The following ANKRD27 variants were observed in gnomAD, a reference collection of about 807,000 sequenced individuals.
ANKRD27 encodes the protein ankyrin repeat domain 27.
A neutral mutation model predicts 129.7 loss-of-function variants in ANKRD27; 112 were observed. The observed-to-expected ratio is 0.86, with a 90% CI of 0.74 to 1.01. The LOEUF is 1.01. Among genes scored for constraint, ANKRD27 ranks in the 50% least tolerant of loss-of-function variants. The pLI, the probability that ANKRD27 is intolerant of heterozygous loss-of-function variation, is 0.00. For synonymous variants in ANKRD27, 516 were observed against 511.2 expected (o/e 1.01, Z -0.13); for missense variants, 1,258 against 1,300.5 (o/e 0.97, Z 0.50).
chr19:32,607,553 C>T (rs1971762559), intron 23 of ANKRD27, 82 bp downstream of exon 23: 5 of 1,508,214 alleles, frequency 3.3e-6, no homozygotes, highest in Non-Finnish European at 4.5e-6. Context: ...AGCCACCAAA[C>T]CCCTGCAGCG....
intron 12 of ANKRD27, among the ~76,000 whole-genome samples, chr19:32,636,898 C>A (rs925413335): frequency 1.3e-5 from 2 of 152,052 alleles, no homozygotes; most frequent in African/African-American, 4.8e-5. Context: ...CAGGCACCTG[C>A]CACCACACCC....
chr19:32,605,168 T>G (rs1411975012), intron 24 of ANKRD27, among the ~76,000 whole-genome samples: 1 of 151,774 alleles, frequency 6.6e-6, no homozygotes, highest in East Asian at 1.9e-4. Flanking sequence ...CTCAGGAGTT[T>G]GAGACCAGCC....
intron 22 of ANKRD27, among the ~76,000 whole-genome samples, chr19:32,608,733 C>T (rs1035514933): frequency 6.6e-6 from 1 of 152,106 alleles, no homozygotes; most frequent in Non-Finnish European, 1.5e-5. Context: ...GGGCAGATCA[C>T]CTGAGGTCAG....
rs758973313 is a variant in ANKRD27 at position 32,615,724 on chromosome 19, G to A, written c.2109C>T (p.Val703=). ...GACAGAATTCGGGGTCCGCTGCACT[G>A]ACAGTGTCCTCCGCATCCTCCAGGT... The part of the protein sequence containing the change: ...EEDLEDAEDT[V]SAADPEFCHP... Residue 703 remains valine, a synonymous_variant, in exon 22 of 29, where the codon GTC becomes GTT. Coordinates refer to ENST00000306065, the MANE Select transcript of ANKRD27 (RefSeq NM_032139.3). The A allele has an allele frequency of 3.1e-6, 5 of 1,614,072 alleles. No homozygotes were observed. The African/African-American group carries it at 6.7e-5, about 22-fold the overall frequency.
intron 20 of ANKRD27, among the ~76,000 whole-genome samples, chr19:32,618,459 A>G (rs942225446): frequency 6.9e-6 from 1 of 144,818 alleles, no homozygotes; most frequent in African/African-American, 2.5e-5. Context: ...AAGAAAAAAA[A>G]AAAAAAAAAA....
chr19:32,674,564 T>G (rs957066386), intron 1 of ANKRD27, among the ~76,000 whole-genome samples: 1 of 78,116 alleles, frequency 1.3e-5, no homozygotes, highest in South Asian at 3.2e-4. Context: ...CCTGTGGGAA[T>G]GCAGAGACCC....
chr19:32,600,563 GACATTTT>G (rs1285431816), intron 26 of ANKRD27, among the ~76,000 whole-genome samples: 4 of 152,046 alleles, frequency 2.6e-5, no homozygotes, highest in Non-Finnish European at 5.9e-5. Flanking sequence ...CAAAATCCGA[GACATTTT>G]GAACTCTTTG....
intron 28 of ANKRD27, among the ~76,000 whole-genome samples, 162 bp downstream of exon 28, chr19:32,599,542 T>C (rs763162048): frequency 3.9e-5 from 6 of 152,272 alleles, no homozygotes; most frequent in South Asian, 2.1e-4. Context: ...AAGTCTGTAC[T>C]CTACACTGTC....
intron 12 of ANKRD27, chr19:32,638,229 C>T (rs1300499610): frequency 6.6e-6 from 1 of 152,314 alleles, no homozygotes; most frequent in African/African-American, 2.4e-5. Flanking sequence ...TACTCCCTCC[C>T]TTCTGAGCCA....
intron 3 of ANKRD27, among the ~76,000 whole-genome samples, chr19:32,647,355 T>C (rs1353213637): frequency 6.6e-6 from 1 of 152,252 alleles, no homozygotes; most frequent in African/African-American, 2.4e-5. Flanking sequence ...GTGTATCCTG[T>C]TGGAAGGCAC....
rs540730994 is a variant in ANKRD27, at chr19:32,649,857, T to G, written c.103-65A>C. 4.5e-6 allele frequency: 5 copies of G among 1,117,344 alleles called. No homozygotes were observed. In the East Asian group the frequency reaches 1.2e-4, roughly 26 times the overall value. 69.2% of individuals were successfully genotyped at this position (1,117,344 alleles called of 1,614,324 possible). On this transcript the variant is annotated intron_variant, in intron 2 of 28. Transcript: ENST00000306065. ...CATTTACCACCTCAGCAGAACAAGG[T>G]GTCCCCAAAGGCGCTCCAGCTGGAC... is the stretch of plus-strand genomic sequence containing the variant.
chr19:32,644,560 C>T, intron 4 of ANKRD27, 81 bp from the exon 5 acceptor site: 1 of 1,497,846 alleles, frequency 6.7e-7, no homozygotes, highest in Non-Finnish European at 9.0e-7. Context: ...GGCCTAGGCC[C>T]TCTGGGGAGG....
chr19:32,657,840 T>C (rs1967571638), intron 2 of ANKRD27, among the ~76,000 whole-genome samples: 1 of 151,750 alleles, frequency 6.6e-6, no homozygotes, highest in Non-Finnish European at 1.5e-5. Context: ...CTGGACGTGG[T>C]TGCACACACC....
chr19:32,620,115 G>T (rs1389058614), intron 18 of ANKRD27, among the ~76,000 whole-genome samples: 1 of 152,112 alleles, frequency 6.6e-6, no homozygotes, highest in Non-Finnish European at 1.5e-5. Context: ...AGCTCTGCCT[G>T]CCAGAAAGCT....
chr19:32,633,311 T>C (rs1383906361), intron 12 of ANKRD27, among the ~76,000 whole-genome samples: 1 of 149,788 alleles, frequency 6.7e-6, no homozygotes. Context: ...TGGTACAGGT[T>C]CTTTCTTGTT....
At chr19:32,612,802 A>G (rs970650725) in intron 22 of ANKRD27, among the ~76,000 whole-genome samples, 4 of 152,238 alleles carry the variant, frequency 2.6e-5, no homozygotes, top group Non-Finnish European at 4.4e-5. Flanking sequence ...AAAAATTAAC[A>G]CAAATTGGAT....
Position 32,658,959 on chromosome 19 carries a change from C to A in ANKRD27, c.57G>T (p.Lys19Asn). 6.2e-7 allele frequency: 1 copy of A among 1,614,100 alleles called. No individual in the cohort carries two copies. Among genetic ancestry groups the A allele is most frequent in the South Asian group, 1.1e-5 (1 of 91,078 alleles). Residue 19 changes from lysine to asparagine, a missense_variant, in exon 2 of 29, where the codon AAG becomes AAT. By Grantham distance (94) the Lys-to-Asn change is moderately conservative. Coordinates refer to ENST00000306065, the MANE Select transcript of ANKRD27 (RefSeq NM_032139.3). Reference sequence around the variant, plus strand: ...CTTTGCTGCACAAGTCAGGGCGGCACTTTTGCAGAGCCAGATAGAAAGGAT... The same window carrying A: ...CTTTGCTGCACAAGTCAGGGCGGCAATTTTGCAGAGCCAGATAGAAAGGAT... The part of the protein sequence containing the change: ...LKNPFYLALQ[K>N]CRPDLCSKVA...
chr19:32,662,311 C>CAAA (rs34066529), intron 1 of ANKRD27, among the ~76,000 whole-genome samples: 97 of 37,860 alleles, frequency 2.6e-3, no homozygotes, highest in African/African-American at 7.3e-3. Flanking sequence ...ACTCAGTCTC[C>CAAA]AAAAAAAAAA....
At chr19:32,602,200 A>G in intron 25 of ANKRD27, 74 bp from the exon 26 acceptor site, 1 of 974,134 alleles carries the variant, frequency 1.0e-6, no homozygotes, top group Non-Finnish European at 1.6e-6. Flanking sequence ...TTTTTGATCT[A>G]AATGTCAGTA....
Sources: allele counts gnomAD v4.1 joint callset (sites outside exome capture counted in the v4.1 genomes callset), GRCh38; gene constraint gnomAD v4.1.1; transcripts MANE v1.5; gene names NCBI Gene and HGNC (gene_info 2026-07-23, HGNC 2026-07-21).